CSMD1: variants seen among roughly 807,000 people sequenced by gnomAD.
The protein encoded by CSMD1 is CUB and Sushi multiple domains 1.
In CSMD1, 213 loss-of-function variants were observed where a neutral mutation model predicts 417.5. That is an observed-to-expected ratio of 0.51 (90% CI 0.46 to 0.57). CSMD1 has a LOEUF of 0.57. Among genes scored for constraint, CSMD1 ranks in the 20% least tolerant of loss-of-function variants. The pLI is 0.00. For missense variants in CSMD1, 6,923 were observed against 4,529.7 expected, an observed-to-expected ratio of 1.53 and a Z score of -15.17; for synonymous variants, 2,862 against 1,736.8, an observed-to-expected ratio of 1.65 and a Z score of -16.11.
intron 5 of CSMD1, among the ~76,000 whole-genome samples, chr8:3,845,418 A>T (rs4377982): frequency 2.0e-5 from 3 of 152,034 alleles, no homozygotes; most frequent in East Asian, 1.9e-4. Context: ...ACAGTGATAG[A>T]TATCTATGTA....
At chr8:4,971,451 G>A (rs1810232079) in intron 1 of CSMD1, among the ~76,000 whole-genome samples, 1 of 151,934 alleles carries the variant, frequency 6.6e-6, no homozygotes, top group Admixed American at 6.6e-5. Flanking sequence ...CTAACCTTCT[G>A]AAAGGAAAGC....
intron 6 of CSMD1, among the ~76,000 whole-genome samples, chr8:3,736,935 A>G (rs1796552171): frequency 6.6e-6 from 1 of 152,182 alleles, no homozygotes; most frequent in Admixed American, 6.5e-5. Flanking sequence ...CATTCTGGGT[A>G]AGGTTTCTCC....
intron 12 of CSMD1, among the ~76,000 whole-genome samples, chr8:3,450,565 G>GT (rs200679428): frequency 0.12 from 18,003 of 144,746 alleles, 1,162 homozygotes; most frequent in East Asian, 0.25. Flanking sequence ...TGCAGTGTTT[G>GT]TTTTTTTTTT....
intron 5 of CSMD1, among the ~76,000 whole-genome samples, chr8:3,874,390 T>C (rs1182295024): frequency 6.6e-6 from 1 of 152,228 alleles, no homozygotes; most frequent in African/African-American, 2.4e-5. Context: ...TACTTTTCAG[T>C]GACTCCTACA....
At chr8:4,794,210 T>C (rs1361008392) in intron 1 of CSMD1, among the ~76,000 whole-genome samples, 1 of 147,396 alleles carries the variant, frequency 6.8e-6, no homozygotes, top group South Asian at 2.2e-4. Context: ...AACAGGTCAC[T>C]TGGATCATTT....
In CSMD1 at chr8:3,399,520, C is replaced by T; in HGVS notation, c.2276G>A (p.Gly759Asp). Residue 759 changes from glycine to aspartate, a missense_variant, in exon 16 of 70, where the codon GGT becomes GAT. Gly to Asp is a moderately conservative substitution (Grantham distance 94). Transcript: ENST00000635120. ...TCCGCTGGACGCTGTCAGATGTCCACCACATGGAGCTAAAACAAGACGTAG... is the reference window on the plus strand; with the variant it reads ...TCCGCTGGACGCTGTCAGATGTCCATCACATGGAGCTAAAACAAGACGTAG... ...STVPRCEAPC[G>D]GHLTASSGVI... 3 of 1,592,814 alleles carry T rather than the reference C, an allele frequency of 1.9e-6. No individual in the cohort carries two copies. Among genetic ancestry groups the T allele is most frequent in the Non-Finnish European group, 2.6e-6 (3 of 1,171,012 alleles).
intron 1 of CSMD1, among the ~76,000 whole-genome samples, chr8:4,798,336 T>A (rs190011774): frequency 6.6e-4 from 101 of 152,362 alleles, no homozygotes; most frequent in African/African-American, 2.4e-3. Flanking sequence ...ACAAAGGACA[T>A]GAACTCATCC....
rs781052729 is a variant in CSMD1 at position 2,974,620 on chromosome 8, T to C, written c.8571A>G (p.Ile2857Met). 170 of 1,584,052 alleles carry C rather than the reference T, an allele frequency of 1.1e-4. No individual in the cohort carries two copies. The highest frequency in any genetic ancestry group is 1.4e-4 in the Non-Finnish European group (161 of 1,165,586). Reference protein sequence around the residue: ...WDRSLPKCLAISCGHPGVPAN... With the variant: ...WDRSLPKCLAMSCGHPGVPAN... Reference sequence around the variant, plus strand: ...CAGGGACCCCTGGGTGTCCACACGATATAGCTTCAGAAAAAAGATAAAACA... The same window carrying C: ...CAGGGACCCCTGGGTGTCCACACGACATAGCTTCAGAAAAAAGATAAAACA... The change falls in exon 56 of 70, where the codon ATA (isoleucine) becomes ATG (methionine). Residue 2857 changes from isoleucine to methionine, a missense_variant. Transcript: ENST00000635120.
intron 2 of CSMD1, among the ~76,000 whole-genome samples, chr8:4,559,440 A>C (rs1174570152): frequency 6.6e-6 from 1 of 152,220 alleles, no homozygotes; most frequent in Non-Finnish European, 1.5e-5. Flanking sequence ...TTATGAATAA[A>C]GAAGGGGTTA....
In CSMD1 at chr8:4,032,029, G is replaced by A. The variant is rs144487969; in HGVS notation, c.486C>T (p.Asn162=). The part of the protein sequence containing the change: ...LKGVLHGTRF[N]IGDKIRYSCL... ...AGCTGTACCGGATTTTGTCTCCTAT[G>A]TTGAATCTCGTTCCATGCAGAACTC... is the stretch of plus-strand genomic sequence containing the variant. Residue 162 remains asparagine, a synonymous_variant, in exon 4 of 70, where the codon AAC becomes AAT. Coordinates refer to ENST00000635120, the MANE Select transcript of CSMD1 (RefSeq NM_033225.6). 1.8e-4 allele frequency: 290 copies of A among 1,613,942 alleles called. 1 individual carries two copies. In the East Asian group the frequency reaches 4.9e-3, roughly 28 times the overall value.
At chr8:3,596,862 G>A (rs889771069) in intron 8 of CSMD1, among the ~76,000 whole-genome samples, 11 of 152,186 alleles carry the variant, frequency 7.2e-5, no homozygotes, top group Admixed American at 7.2e-4. Context: ...ACTAAAAGAT[G>A]TGAATATACT....
At chr8:4,681,294 C>T (rs778578859) in intron 1 of CSMD1, among the ~76,000 whole-genome samples, 3 of 152,032 alleles carry the variant, frequency 2.0e-5, no homozygotes, top group African/African-American at 4.8e-5. Context: ...TACTTTGTAT[C>T]GTTACATTTG....
intron 1 of CSMD1, among the ~76,000 whole-genome samples, chr8:4,977,774 AT>A (rs1488757347): frequency 6.6e-6 from 1 of 152,252 alleles, no homozygotes; most frequent in African/African-American, 2.4e-5. Context: ...AGATGAATGC[AT>A]TGAAAGTGAA....
At chr8:4,034,341 G>C (rs1053702846) in intron 3 of CSMD1, among the ~76,000 whole-genome samples, 1 of 152,160 alleles carries the variant, frequency 6.6e-6, no homozygotes, top group Non-Finnish European at 1.5e-5. Flanking sequence ...AGTGTATTCA[G>C]TTCTAGTTTT....
At chr8:4,569,529 C>T (rs942222159) in intron 2 of CSMD1, among the ~76,000 whole-genome samples, 2 of 152,158 alleles carry the variant, frequency 1.3e-5, no homozygotes, top group Non-Finnish European at 2.9e-5. Flanking sequence ...CAGTACCATG[C>T]TGTTTCAGTT....
intron 3 of CSMD1, among the ~76,000 whole-genome samples, chr8:4,062,816 G>C (rs1220827024): frequency 6.6e-6 from 1 of 151,654 alleles, no homozygotes; most frequent in Non-Finnish European, 1.5e-5. Flanking sequence ...ACGGATGTCT[G>C]ACTTTAGGTC....
At chr8:3,906,513 G>C (rs1424595222) in intron 5 of CSMD1, among the ~76,000 whole-genome samples, 2 of 139,944 alleles carry the variant, frequency 1.4e-5, no homozygotes, top group Non-Finnish European at 3.1e-5. Context: ...AAAAAACAAG[G>C]TTGTGCTCAC....
At chr8:4,063,701 A>G (rs1177876143) in intron 3 of CSMD1, among the ~76,000 whole-genome samples, 1 of 152,178 alleles carries the variant, frequency 6.6e-6, no homozygotes, top group Non-Finnish European at 1.5e-5. Context: ...CAGGCATGCT[A>G]CCTAAGTAAG....
intron 1 of CSMD1, among the ~76,000 whole-genome samples, chr8:4,941,644 G>T (rs62488200): frequency 0.51 from 77,330 of 150,832 alleles, 20,975 homozygotes; most frequent in East Asian, 0.79. Flanking sequence ...TGTCACCCAG[G>T]CTGGGGTACA....
Sources: allele counts gnomAD v4.1 joint callset (sites outside exome capture counted in the v4.1 genomes callset), GRCh38; gene constraint gnomAD v4.1.1; transcripts MANE v1.5; gene names NCBI Gene and HGNC (gene_info 2026-07-23, HGNC 2026-07-21).